ACTN1: variants seen among roughly 807,000 people sequenced by gnomAD.
ACTN1 encodes the protein alpha-actinin-1.
ACTN1 carries 30 observed loss-of-function variants against 119.6 expected under a neutral mutation model. The ratio of observed to expected loss-of-function variants is 0.25; its 90% CI spans 0.19 to 0.34. The LOEUF is 0.34. Among genes scored for constraint, ACTN1 ranks in the 10% least tolerant of loss-of-function variants. The pLI, the probability that ACTN1 is intolerant of heterozygous loss-of-function variation, is 1.00. For missense variants in ACTN1, 764 were observed against 1,223.4 expected, an observed-to-expected ratio of 0.62 and a Z score of 5.60; for synonymous variants, 429 against 472.6, an observed-to-expected ratio of 0.91 and a Z score of 1.20.
At chr14:68,904,070 G>A (rs1271066884) in intron 7 of ACTN1, among the ~76,000 whole-genome samples, 3 of 152,132 alleles carry the variant, frequency 2.0e-5, no homozygotes, top group Non-Finnish European at 4.4e-5. Context: ...TGGAGCCACT[G>A]CCTCTGGCTG....
At chr14:68,895,010 G>C (rs1325575604) in intron 8 of ACTN1, among the ~76,000 whole-genome samples, 1 of 151,548 alleles carries the variant, frequency 6.6e-6, no homozygotes, top group Non-Finnish European at 1.5e-5. Context: ...GTGGATGGAT[G>C]ACTATGCTGG....
At chr14:68,903,462 A>T (rs1033814729) in intron 7 of ACTN1, among the ~76,000 whole-genome samples, 1 of 149,236 alleles carries the variant, frequency 6.7e-6, no homozygotes, top group Non-Finnish European at 1.5e-5. Flanking sequence ...GCTTGAACCC[A>T]GGAGGCGGAG....
At chr14:68,893,230 T>A (rs137891029) in intron 9 of ACTN1, among the ~76,000 whole-genome samples, 53 of 152,254 alleles carry the variant, frequency 3.5e-4, no homozygotes, top group African/African-American at 1.3e-3. Flanking sequence ...GGACAGCCGC[T>A]ACTTTTGGTA....
At chr14:68,902,117 G>A (rs2033381490) in intron 8 of ACTN1, among the ~76,000 whole-genome samples, 1 of 152,212 alleles carries the variant, frequency 6.6e-6, no homozygotes, top group South Asian at 2.1e-4. Context: ...TCGAGCCAGT[G>A]GCTTCAACAG....
chr14:68,941,416 G>A (rs985724587), intron 1 of ACTN1, among the ~76,000 whole-genome samples: 2 of 152,114 alleles, frequency 1.3e-5, no homozygotes, highest in African/African-American at 4.8e-5. Context: ...TGATGCTGCC[G>A]GTCCAGAGAC....
intron 1 of ACTN1, among the ~76,000 whole-genome samples, chr14:68,970,679 G>A (rs1350725088): frequency 6.6e-6 from 1 of 152,208 alleles, no homozygotes; most frequent in Non-Finnish European, 1.5e-5. Context: ...CGTGGGACTG[G>A]GGAGGCCTCC....
At position 68,925,691 on chromosome 14, in the gene ACTN1, G is replaced by A. The variant is rs760619002; in HGVS notation, c.106-19C>T. On this transcript the variant is annotated intron_variant, in intron 1 of 21. Coordinates refer to ENST00000394419, the MANE Select transcript of ACTN1 (RefSeq NM_001130004.2). The surrounding 1 kb of genome is among the most constrained non-coding windows in gnomAD (Gnocchi z 4.3). ...TGAATGTCTGGGCAGAGACAAGAAG[G>A]GCAAGTGGTCAGGGGGCTGGTGTTG... The A allele has an allele frequency of 1.3e-5, 21 of 1,599,830 alleles. No homozygotes were observed. The Middle Eastern group carries it at 9.9e-4, about 76-fold the overall frequency.
At position 68,879,301 on chromosome 14, in the gene ACTN1, C is replaced by T. The variant is rs190825505; in HGVS notation, c.2281-232G>A. ...GCACACGCAGCCCTGCTCCAGGGAG[C>T]AGGACCACAGTGGGGTGTGATGAGC... On this transcript the variant is annotated intron_variant, in intron 18 of 21. Coordinates refer to ENST00000394419, the MANE Select transcript of ACTN1 (RefSeq NM_001130004.2). The surrounding 1 kb of genome is among the most constrained non-coding windows in gnomAD (Gnocchi z 4.9). Among the ~76,000 whole-genome samples, 34 of 152,148 alleles carry T rather than the reference C, an allele frequency of 2.2e-4. No individual in the cohort carries two copies. The highest frequency in any genetic ancestry group is 7.7e-4 in the African/African-American group (32 of 41,506).
At chr14:68,973,646 G>C (rs1448457040) in intron 1 of ACTN1, 3 of 152,226 alleles carry the variant, frequency 2.0e-5, no homozygotes, top group Admixed American at 6.5e-5. Context: ...GAGGAAGAAG[G>C]GGTTCCAGGG....
chr14:68,895,718 C>G (rs768644497), intron 8 of ACTN1, among the ~76,000 whole-genome samples: 1 of 152,234 alleles, frequency 6.6e-6, no homozygotes, highest in South Asian at 2.1e-4. Flanking sequence ...CACCTTGTTA[C>G]TCTCCTGATC....
rs2031586185 is a variant in ACTN1 at position 68,882,078 on chromosome 14, G to A, written c.1953+380C>T. Among the ~76,000 whole-genome samples the A allele has an allele frequency of 6.6e-6, 1 of 151,886 alleles. No homozygotes were observed. Among genetic ancestry groups the A allele is most frequent in the African/African-American group, 2.4e-5 (1 of 41,324 alleles). On this transcript the variant is annotated intron_variant, in intron 16 of 21. Transcript: ENST00000394419. The surrounding 1 kb of genome is among the most constrained non-coding windows in gnomAD (Gnocchi z 4.5). ...AGGCTCCCAAGTAGCTGGGATTATA[G>A]GCACGCATCATCACACCCGGCTGAT...
intron 16 of ACTN1, among the ~76,000 whole-genome samples, chr14:68,881,292 T>C (rs917403262): frequency 6.6e-6 from 1 of 152,084 alleles, no homozygotes; most frequent in African/African-American, 2.4e-5. Context: ...AAATATTCAC[T>C]CCTCTGCTTG....
intron 11 of ACTN1, among the ~76,000 whole-genome samples, chr14:68,888,890 G>A (rs1023452607): frequency 2.0e-5 from 3 of 152,122 alleles, no homozygotes; most frequent in Admixed American, 6.5e-5. Context: ...TGTCTTCCAC[G>A]AAACTGGTCC....
chr14:68,886,672 T>G (rs1371195623), intron 11 of ACTN1: 2 of 152,364 alleles, frequency 1.3e-5, no homozygotes, highest in Admixed American at 1.3e-4. Flanking sequence ...CGCATGCCTG[T>G]AATCCCAGCT....
intron 1 of ACTN1, among the ~76,000 whole-genome samples, chr14:68,926,465 C>A (rs537214603): frequency 6.6e-6 from 1 of 152,312 alleles, no homozygotes. Flanking sequence ...AAGCATGCAT[C>A]GCAGTTTTAC....
intron 8 of ACTN1, among the ~76,000 whole-genome samples, chr14:68,894,597 T>C (rs2032740772): frequency 6.6e-6 from 1 of 152,062 alleles, no homozygotes; most frequent in Non-Finnish European, 1.5e-5. Flanking sequence ...AAATAGGTGG[T>C]TTTAAAATCC....
chr14:68,967,603 G>A (rs973481104), intron 1 of ACTN1, among the ~76,000 whole-genome samples: 1 of 152,232 alleles, frequency 6.6e-6, no homozygotes, highest in Non-Finnish European at 1.5e-5. Flanking sequence ...AAAGTGTAAT[G>A]AAGGCAGGCA....
At chr14:68,946,546 A>G (rs1434892432) in intron 1 of ACTN1, among the ~76,000 whole-genome samples, 1 of 152,232 alleles carries the variant, frequency 6.6e-6, no homozygotes, top group African/African-American at 2.4e-5. Context: ...GGACTCCACC[A>G]GCAGCCCTGA....
At position 68,963,703 on chromosome 14, in the gene ACTN1, T is replaced by C. The variant is rs1474202927; in HGVS notation, c.105+15249A>G. ...ATGGCAGCACCACAAAGATGAGTTTTTATTCATACTATGATATCATTTCTT... is the reference window on the plus strand; with the variant it reads ...ATGGCAGCACCACAAAGATGAGTTTCTATTCATACTATGATATCATTTCTT... On this transcript the variant is annotated intron_variant, in intron 1 of 21. Coordinates refer to ENST00000394419, the MANE Select transcript of ACTN1 (RefSeq NM_001130004.2). Among the ~76,000 whole-genome samples the C allele has an allele frequency of 3.9e-5, 6 of 152,334 alleles. 1 individual carries two copies. Among genetic ancestry groups the C allele is most frequent in the Admixed American group, 3.9e-4 (6 of 15,304 alleles).
Sources: allele counts gnomAD v4.1 joint callset (sites outside exome capture counted in the v4.1 genomes callset), GRCh38; gene constraint gnomAD v4.1.1; non-coding constraint Gnocchi (gnomAD v3.1); transcripts MANE v1.5; gene names NCBI Gene and HGNC (gene_info 2026-07-23, HGNC 2026-07-21).